NALCN: variants seen among roughly 807,000 people sequenced by gnomAD.
NALCN encodes the protein sodium leak channel, non-selective.
Under a neutral mutation model 225.3 loss-of-function variants are expected in NALCN, and 111 were observed. The ratio of observed to expected loss-of-function variants is 0.49; its 90% CI spans 0.42 to 0.58. NALCN has a LOEUF of 0.58. Ranked by LOEUF, NALCN falls within the 20% of genes least tolerant of loss-of-function variation. The pLI is 0.00. For missense variants in NALCN, 1,378 were observed against 2,202.4 expected, an observed-to-expected ratio of 0.63 and a Z score of 7.49; for synonymous variants, 764 against 769.0, an observed-to-expected ratio of 0.99 and a Z score of 0.11.
chr13:101,325,660 T>TA (rs1266916520), intron 7 of NALCN, among the ~76,000 whole-genome samples: 4 of 152,202 alleles, frequency 2.6e-5, no homozygotes, highest in Non-Finnish European at 5.9e-5. Context: ...TTACGGCTGA[T>TA]ATCCGTTTTA....
chr13:101,282,611 TA>T (rs1329084758), intron 10 of NALCN, among the ~76,000 whole-genome samples: 1 of 152,146 alleles, frequency 6.6e-6, no homozygotes, highest in Non-Finnish European at 1.5e-5. Context: ...CTGTATTGTA[TA>T]CATGAGATTT....
At chr13:101,124,544 G>A in intron 18 of NALCN, 64 bp downstream of exon 18, 1 of 1,393,694 alleles carries the variant, frequency 7.2e-7, no homozygotes, top group Non-Finnish European at 1.0e-6. Context: ...TTTTCAAAAA[G>A]CTATTTTTCG....
intron 3 of NALCN, among the ~76,000 whole-genome samples, chr13:101,389,856 C>A (rs902373686): frequency 5.3e-5 from 8 of 152,136 alleles, no homozygotes; most frequent in South Asian, 2.1e-4. Flanking sequence ...CCAAGGCAGG[C>A]GAATCACCTG....
At chr13:101,212,057 C>A (rs1270717197) in intron 13 of NALCN, among the ~76,000 whole-genome samples, 1 of 152,098 alleles carries the variant, frequency 6.6e-6, no homozygotes, top group Non-Finnish European at 1.5e-5. Context: ...CCACTGAAGA[C>A]CCTCCATGTC....
intron 13 of NALCN, among the ~76,000 whole-genome samples, chr13:101,208,551 A>G (rs2040408386): frequency 6.6e-6 from 1 of 152,162 alleles, no homozygotes; most frequent in Non-Finnish European, 1.5e-5. Flanking sequence ...ATGTTGTTTG[A>G]GTGAATATAT....
In NALCN at chr13:101,258,823, T is replaced by C. The variant is rs112244900; in HGVS notation, c.1135-249A>G. ...GACTAAAAATGGAAAACATATATCA[T>C]TTGTGTATGGCTTGCATCTTAATTT... On this transcript the variant is annotated intron_variant, in intron 10 of 43. Coordinates refer to ENST00000251127, the MANE Select transcript of NALCN (RefSeq NM_052867.4). Among the ~76,000 whole-genome samples the C allele has an allele frequency of 4.8e-4, 73 of 152,320 alleles. 2 individuals carry two copies. The highest frequency in any genetic ancestry group is 1.7e-3 in the African/African-American group (70 of 41,560).
chr13:101,241,463 G>C (rs915634898), intron 11 of NALCN, among the ~76,000 whole-genome samples: 1 of 151,968 alleles, frequency 6.6e-6, no homozygotes, highest in Non-Finnish European at 1.5e-5. Flanking sequence ...TTCTGAGACA[G>C]AGTCTTACTC....
chr13:101,214,711 G>GT (rs1359518140), intron 13 of NALCN, among the ~76,000 whole-genome samples: 2 of 152,118 alleles, frequency 1.3e-5, no homozygotes, highest in Non-Finnish European at 2.9e-5. Context: ...CTAGACTTTG[G>GT]TTTTTAATGT....
At chr13:101,097,064 C>T (rs534236467) in intron 27 of NALCN, among the ~76,000 whole-genome samples, 7 of 152,176 alleles carry the variant, frequency 4.6e-5, no homozygotes, top group Non-Finnish European at 8.8e-5. Flanking sequence ...TCCTTCTTGG[C>T]CCAAGTCTCC....
rs1441270019 is a variant in NALCN at position 101,065,570 on chromosome 13, C to T, written c.4447-9G>A. 2 of 1,612,900 alleles carry T rather than the reference C, an allele frequency of 1.2e-6. No individual in the cohort carries two copies. Among genetic ancestry groups the T allele is most frequent in the Non-Finnish European group, 1.7e-6 (2 of 1,179,854 alleles). ...AACGTGGGGATCACCCCCTGCGGGG[C>T]AGAGCACAAGAAGTAGCAAATCATC... On this transcript the variant is annotated splice_polypyrimidine_tract_variant and intron_variant, in intron 39 of 43. Transcript: ENST00000251127.
At chr13:101,186,813 T>A (rs982437900) in intron 14 of NALCN, among the ~76,000 whole-genome samples, 2 of 152,144 alleles carry the variant, frequency 1.3e-5, no homozygotes, top group African/African-American at 2.4e-5. Context: ...TTATGCTATA[T>A]CTAACTAGTA....
intron 17 of NALCN, among the ~76,000 whole-genome samples, chr13:101,133,047 T>G (rs1713090350): frequency 6.6e-6 from 1 of 152,190 alleles, no homozygotes; most frequent in Non-Finnish European, 1.5e-5. Flanking sequence ...TACTGATTCC[T>G]TAAAATCTGG....
chr13:101,232,522 T>C (rs1041150543), intron 12 of NALCN, among the ~76,000 whole-genome samples: 1 of 151,238 alleles, frequency 6.6e-6, no homozygotes, highest in Non-Finnish European at 1.5e-5. Context: ...CTCGGCTCAC[T>C]GCAAGCTCCA....
chr13:101,166,843 G>A (rs1329220110), intron 15 of NALCN, among the ~76,000 whole-genome samples: 1 of 152,106 alleles, frequency 6.6e-6, no homozygotes, highest in African/African-American at 2.4e-5. Flanking sequence ...GAGCTTTATG[G>A]TTTTAGGTCT....
chr13:101,260,694 T>A (rs1378252874), intron 10 of NALCN, among the ~76,000 whole-genome samples: 1 of 152,240 alleles, frequency 6.6e-6, no homozygotes, highest in Non-Finnish European at 1.5e-5. Context: ...TCTATTCAAA[T>A]CTTTTGCCCA....
At chr13:101,416,906 C>A (rs2047963749), upstream of NALCN, among the ~76,000 whole-genome samples, 1 of 152,194 alleles carries the variant, frequency 6.6e-6, no homozygotes, top group South Asian at 2.1e-4. Flanking sequence ...TGCACGGTAC[C>A]GAGGACTAGT....
intron 7 of NALCN, among the ~76,000 whole-genome samples, chr13:101,315,735 G>A (rs996838808): frequency 6.6e-6 from 1 of 151,964 alleles, no homozygotes; most frequent in Non-Finnish European, 1.5e-5. Flanking sequence ...TGATCTAATG[G>A]TGTTTCTTAA....
chr13:101,383,045 AG>A (rs1187020223), intron 3 of NALCN, among the ~76,000 whole-genome samples: 1 of 152,184 alleles, frequency 6.6e-6, no homozygotes, highest in African/African-American at 2.4e-5. Context: ...CAAGATACAA[AG>A]GCCAGCAACC....
intron 3 of NALCN, 84 bp downstream of exon 3, chr13:101,395,099 G>C (rs2047250528): frequency 2.1e-5 from 28 of 1,355,910 alleles, no homozygotes; most frequent in Non-Finnish European, 2.7e-5. Context: ...TTGTTTTACT[G>C]AAATGAACAA....
Sources: gnomAD v4.1 joint callset for allele counts (sites outside exome capture counted in the v4.1 genomes callset) on GRCh38, gnomAD v4.1.1 for gene constraint, MANE v1.5 for transcripts, NCBI Gene and HGNC (gene_info 2026-07-23, HGNC 2026-07-21) for gene names.